The following OR51B5 variants were observed in gnomAD, a reference collection of about 807,000 sequenced individuals.
OR51B5 encodes olfactory receptor family 51 subfamily B member 5.
For synonymous variants in OR51B5, 186 were observed against 144.8 expected (o/e 1.28, Z -2.04); for missense variants, 456 against 374.6 (o/e 1.22, Z -1.79).
intron 1 of OR51B5, chr11:5,351,590 C>T (rs770496406): frequency 6.2e-7 from 1 of 1,614,088 alleles, no homozygotes; most frequent in African/African-American, 1.3e-5. Flanking sequence ...ATATTCATCC[C>T]ATTATTGGCA....
At chr11:5,424,859 A>G (rs2467230) in intron 1 of OR51B5, among the ~76,000 whole-genome samples, 86,725 of 100,174 alleles carry the variant, frequency 0.87, 41,074 homozygotes, top group Non-Finnish European at 0.91. Context: ...GCGGGCGCCT[A>G]TAGTCCCAGC....
intron 1 of OR51B5, among the ~76,000 whole-genome samples, chr11:5,462,857 G>C (rs1590011406): frequency 6.6e-6 from 1 of 152,194 alleles, no homozygotes; most frequent in East Asian, 1.9e-4. Flanking sequence ...GCTCGTAAAT[G>C]CTTTCAGGAT....
chr11:5,444,774 T>C (rs1043369649), intron 1 of OR51B5, among the ~76,000 whole-genome samples: 1 of 152,056 alleles, frequency 6.6e-6, no homozygotes, highest in South Asian at 2.1e-4. Flanking sequence ...ACTGGGAAGG[T>C]GGTATCAGTG....
At chr11:5,499,038 T>C (rs1851686250) in intron 1 of OR51B5, among the ~76,000 whole-genome samples, 1 of 152,106 alleles carries the variant, frequency 6.6e-6, no homozygotes, top group Non-Finnish European at 1.5e-5. Flanking sequence ...CATAAAACTT[T>C]CCAAGAAAGT....
At chr11:5,503,118 G>A (rs887779877) in intron 1 of OR51B5, among the ~76,000 whole-genome samples, 6 of 152,154 alleles carry the variant, frequency 3.9e-5, no homozygotes, top group Non-Finnish European at 7.4e-5. Context: ...AGTGCTATCT[G>A]TGTAGTGAAT....
intron 1 of OR51B5, among the ~76,000 whole-genome samples, chr11:5,380,334 G>C (rs1255380444): frequency 6.6e-6 from 1 of 152,144 alleles, no homozygotes; most frequent in Non-Finnish European, 1.5e-5. Context: ...ATTTCTTAGG[G>C]GCTGTGGACC....
At chr11:5,456,809 G>A (rs1590007181) in intron 1 of OR51B5, among the ~76,000 whole-genome samples, 1 of 152,118 alleles carries the variant, frequency 6.6e-6, no homozygotes, top group African/African-American at 2.4e-5. Flanking sequence ...GGATCATGGG[G>A]ACAGATTTCT....
At chr11:5,343,118 TTAG>T in exon 1 of OR51B5, 1 of 1,613,460 alleles carries the variant, frequency 6.2e-7, no homozygotes, top group Non-Finnish European at 8.5e-7. Context: ...TACTCGAGTA[TTAG>T]TAAGTACAGA....
chr11:5,412,785 C>T (rs1383244186), intron 1 of OR51B5, among the ~76,000 whole-genome samples: 4 of 151,792 alleles, frequency 2.6e-5, no homozygotes, highest in South Asian at 2.1e-4. Flanking sequence ...ACAAAGCAGC[C>T]GGGAAGCTCC....
intron 1 of OR51B5, among the ~76,000 whole-genome samples, chr11:5,349,461 T>A (rs539346874): frequency 1.3e-5 from 2 of 152,240 alleles, no homozygotes; most frequent in African/African-American, 4.8e-5. Flanking sequence ...CACAATTAAC[T>A]AGATTAATGT....
At chr11:5,416,833 G>A in intron 1 of OR51B5, among the ~76,000 whole-genome samples, 1 of 151,876 alleles carries the variant, frequency 6.6e-6, no homozygotes, top group African/African-American at 2.4e-5. Flanking sequence ...AATCAATATT[G>A]TGACAATGGC....
intron 1 of OR51B5, among the ~76,000 whole-genome samples, chr11:5,376,825 A>G (rs1589962213): frequency 6.7e-6 from 1 of 150,094 alleles, no homozygotes; most frequent in Admixed American, 6.6e-5. Flanking sequence ...TCAATAGCTT[A>G]CCAACCAAAA....
At chr11:5,358,028 A>T (rs78196335) in intron 1 of OR51B5, among the ~76,000 whole-genome samples, 55,954 of 150,388 alleles carry the variant, frequency 0.37, 10,667 homozygotes, top group Non-Finnish European at 0.4. Context: ...AAACGCCCAG[A>T]AGAGAAAGCA....
intron 1 of OR51B5, among the ~76,000 whole-genome samples, chr11:5,380,104 A>AAAGGGGT (rs1425150112): frequency 1.3e-5 from 2 of 152,142 alleles, no homozygotes; most frequent in Non-Finnish European, 2.9e-5. Context: ...TGGTTTCCCA[A>AAAGGGGT]AAGGGGTCTC....
chr11:5,370,723 A>T (rs1849434638), intron 1 of OR51B5, among the ~76,000 whole-genome samples: 1 of 152,208 alleles, frequency 6.6e-6, no homozygotes, highest in African/African-American at 2.4e-5. Context: ...TGAAGCTTGT[A>T]TTTTAACGGA....
At chr11:5,358,359 A>T (rs1849226734) in intron 1 of OR51B5, among the ~76,000 whole-genome samples, 1 of 152,210 alleles carries the variant, frequency 6.6e-6, no homozygotes, top group Admixed American at 6.5e-5. Flanking sequence ...AGAATACTAT[A>T]AACACCTCTA....
intron 1 of OR51B5, among the ~76,000 whole-genome samples, chr11:5,396,135 C>A (rs137972570): frequency 3.9e-3 from 587 of 152,282 alleles, no homozygotes; most frequent in Non-Finnish European, 6.6e-3. Flanking sequence ...CACTGCACTG[C>A]CTAATGAAAA....
intron 1 of OR51B5, chr11:5,454,316 G>A: frequency 6.2e-7 from 1 of 1,614,116 alleles, no homozygotes; most frequent in Non-Finnish European, 8.5e-7. Flanking sequence ...ATGTCCTCAT[G>A]TCAAATGTGT....
intron 1 of OR51B5, among the ~76,000 whole-genome samples, chr11:5,472,971 C>T (rs148380286): frequency 2.0e-5 from 3 of 152,316 alleles, no homozygotes; most frequent in Admixed American, 1.3e-4. Flanking sequence ...TTAGGAGAAA[C>T]TCCTCAGTTT....
Sources: allele counts gnomAD v4.1 joint callset (sites outside exome capture counted in the v4.1 genomes callset), GRCh38; gene constraint gnomAD v4.1.1; transcripts MANE v1.5; gene names NCBI Gene and HGNC (gene_info 2026-07-23, HGNC 2026-07-21).